The following SMCO4 variants were observed in gnomAD, a reference collection of about 807,000 sequenced individuals.
SMCO4 encodes the protein single-pass membrane protein with coiled-coil domains 4.
SMCO4 carries 4 observed loss-of-function variants against 3.6 expected under a neutral mutation model. The observed-to-expected ratio is 1.11, with a 90% CI of 0.54 to 2.53. The LOEUF is 2.53. SMCO4 is among the 30% of genes most tolerant of loss of function. The pLI is 0.02. For synonymous variants in SMCO4, 36 were observed against 35.3 expected (o/e 1.02, Z -0.07); for missense variants, 70 against 80.8 (o/e 0.87, Z 0.51).
At chr11:93,491,624 G>A (rs1948718407) in intron 2 of SMCO4, among the ~76,000 whole-genome samples, 1 of 152,182 alleles carries the variant, frequency 6.6e-6, no homozygotes, top group Non-Finnish European at 1.5e-5. Context: ...TCCACAGCCT[G>A]CTCTTAACTA....
intron 1 of SMCO4, among the ~76,000 whole-genome samples, chr11:93,541,342 T>C (rs1949269491): frequency 6.6e-6 from 1 of 152,166 alleles, no homozygotes; most frequent in Non-Finnish European, 1.5e-5. Flanking sequence ...TGCCTTTTAC[T>C]ACACTCATCT....
At chr11:93,535,788 A>C in intron 1 of SMCO4, 3 of 1,593,900 alleles carry the variant, frequency 1.9e-6, no homozygotes, top group Non-Finnish European at 2.5e-6. Flanking sequence ...AGAAGACCAA[A>C]GCAGCAGCAG....
chr11:93,542,062 G>A (rs925793796), intron 1 of SMCO4, among the ~76,000 whole-genome samples: 3 of 151,852 alleles, frequency 2.0e-5, no homozygotes, highest in East Asian at 3.9e-4. Context: ...TATCACTGCT[G>A]CAAATGACCA....
chr11:93,509,091 A>G (rs1948934809), intron 1 of SMCO4, among the ~76,000 whole-genome samples: 1 of 151,964 alleles, frequency 6.6e-6, no homozygotes, highest in Admixed American at 6.6e-5. Context: ...GGAGTTTGAG[A>G]CCAGCCTGGG....
At chr11:93,486,036 A>G (rs1948645875) in intron 2 of SMCO4, among the ~76,000 whole-genome samples, 1 of 152,174 alleles carries the variant, frequency 6.6e-6, no homozygotes, top group Non-Finnish European at 1.5e-5. Flanking sequence ...GTGATTCCAA[A>G]GCCCACCCAT....
At chr11:93,522,493 G>A (rs111540522) in intron 1 of SMCO4, among the ~76,000 whole-genome samples, 172 of 152,212 alleles carry the variant, frequency 1.1e-3, no homozygotes, top group African/African-American at 3.8e-3. Context: ...TCCACCCCTC[G>A]GCCTGCTACC....
intron 1 of SMCO4, among the ~76,000 whole-genome samples, chr11:93,511,767 C>CA (rs138274149): frequency 7.3e-5 from 11 of 151,128 alleles, no homozygotes; most frequent in African/African-American, 1.2e-4. Context: ...AAATTATTGT[C>CA]AAAAAAAAAT....
intron 2 of SMCO4, among the ~76,000 whole-genome samples, chr11:93,482,956 A>G (rs1453217433): frequency 6.6e-6 from 1 of 152,174 alleles, no homozygotes; most frequent in Non-Finnish European, 1.5e-5. Context: ...TGAGGGGTCT[A>G]ATAGAATGGG....
rs1272335505 is a variant in SMCO4 at position 93,478,509 on chromosome 11, T to C, written c.*501A>G. 1 of 152,546 alleles carries C rather than the reference T, an allele frequency of 6.6e-6. No homozygotes were observed. The highest frequency in any genetic ancestry group is 1.5e-5 in the Non-Finnish European group (1 of 68,322). The allele number at this position is 152,546 out of a possible 1,614,324, so 9.4% of individuals were successfully genotyped here. A position where few individuals can be genotyped will look rare whatever the true frequency, so the allele number is the denominator to read the frequency against. Reference sequence around the variant, plus strand: ...ATCTCCTTTATTCAAAAAATAAATATTTCACTTTGATTCAACATATTTCAA... The same window carrying C: ...ATCTCCTTTATTCAAAAAATAAATACTTCACTTTGATTCAACATATTTCAA... On this transcript the variant is annotated 3_prime_UTR_variant, in exon 3 of 3. Transcript: ENST00000298966.
chr11:93,531,502 T>C (rs1477519318), intron 1 of SMCO4, among the ~76,000 whole-genome samples: 1 of 152,204 alleles, frequency 6.6e-6, no homozygotes, highest in East Asian at 1.9e-4. Context: ...TAGGACTTCT[T>C]AACCTTCATA....
intron 1 of SMCO4, among the ~76,000 whole-genome samples, chr11:93,500,811 G>A (rs780367907): frequency 6.6e-6 from 1 of 152,194 alleles, no homozygotes; most frequent in South Asian, 2.1e-4. Context: ...TCAGCAAGCC[G>A]TGACCTCTAC....
the SMCO4 span, among the ~76,000 whole-genome samples, chr11:93,549,547 C>T: frequency 6.6e-6 from 1 of 152,084 alleles, no homozygotes; most frequent in Non-Finnish European, 1.5e-5. Flanking sequence ...CTCCTGGGCT[C>T]AAACGATCCT....
chr11:93,535,679 T>C (rs1949216626), intron 1 of SMCO4: 4 of 1,612,056 alleles, frequency 2.5e-6, no homozygotes, highest in Middle Eastern at 1.7e-4. Context: ...AGCACAGTGG[T>C]GAGCTCCGAG....
At chr11:93,543,028 C>T (rs1455926294) in intron 1 of SMCO4, among the ~76,000 whole-genome samples, 3 of 151,814 alleles carry the variant, frequency 2.0e-5, no homozygotes, top group African/African-American at 4.8e-5. Context: ...GATGCAGCGT[C>T]TCGAGCCGCG....
intron 1 of SMCO4, among the ~76,000 whole-genome samples, chr11:93,536,146 G>A (rs1949222562): frequency 6.6e-6 from 1 of 152,034 alleles, no homozygotes; most frequent in East Asian, 1.9e-4. Context: ...GATGAGGTTT[G>A]CAACCTCACC....
At chr11:93,553,005 G>A in the SMCO4 span, among the ~76,000 whole-genome samples, 8 of 152,268 alleles carry the variant, frequency 5.3e-5, no homozygotes, top group African/African-American at 1.4e-4. Context: ...TGACCAGAAC[G>A]TCAAAGGCCT....
intron 1 of SMCO4, chr11:93,535,411 A>T (rs1479220762): frequency 9.9e-7 from 1 of 1,013,102 alleles, no homozygotes; most frequent in African/African-American, 1.6e-5. Flanking sequence ...AAGAAGCCAA[A>T]TAACCAGTTC....
At chr11:93,505,284 C>T (rs991552763) in intron 1 of SMCO4, among the ~76,000 whole-genome samples, 1 of 152,202 alleles carries the variant, frequency 6.6e-6, no homozygotes, top group South Asian at 2.1e-4. Context: ...ATTCACATAA[C>T]AGTTCTAATT....
chr11:93,540,273 T>C (rs757169953), intron 1 of SMCO4, among the ~76,000 whole-genome samples: 1 of 152,180 alleles, frequency 6.6e-6, no homozygotes, highest in Non-Finnish European at 1.5e-5. Context: ...GATGCCAATC[T>C]TTACTCAGCA....
Sources: gnomAD v4.1 joint callset for allele counts (sites outside exome capture counted in the v4.1 genomes callset) on GRCh38, gnomAD v4.1.1 for gene constraint, MANE v1.5 for transcripts, NCBI Gene and HGNC (gene_info 2026-07-23, HGNC 2026-07-21) for gene names.